DPYD: variants seen among roughly 807,000 people sequenced by gnomAD.
The protein encoded by DPYD is dihydropyrimidine dehydrogenase, also known as dihydropyrimidine dehydrogenase [NADP(+)].
In DPYD, 109 loss-of-function variants were observed where a neutral mutation model predicts 116.2. That is an observed-to-expected ratio of 0.94 (90% CI 0.80 to 1.10). The LOEUF (loss-of-function observed/expected upper bound fraction) is 1.10, where lower values mean the gene tolerates loss of function less well. Among genes scored for constraint, DPYD ranks in the 50% least tolerant of loss-of-function variants. DPYD has a pLI of 0.00. For missense variants in DPYD, 1,302 were observed against 1,254.5 expected (o/e 1.04, Z -0.57); for synonymous variants, 440 against 432.0 (o/e 1.02, Z -0.23).
chr1:97,304,578 C>T (rs1169478000), intron 18 of DPYD, among the ~76,000 whole-genome samples: 3 of 151,932 alleles, frequency 2.0e-5, no homozygotes, highest in Admixed American at 1.3e-4. Flanking sequence ...TGTATATTTA[C>T]CACTTTCTCT....
intron 10 of DPYD, among the ~76,000 whole-genome samples, chr1:97,590,095 T>C (rs1654399405): frequency 1.3e-5 from 2 of 152,210 alleles, no homozygotes; most frequent in Non-Finnish European, 2.9e-5. Flanking sequence ...GTGTTAGCAC[T>C]GCAATATTTT....
At chr1:97,326,185 A>G (rs995526949) in intron 16 of DPYD, among the ~76,000 whole-genome samples, 3 of 151,946 alleles carry the variant, frequency 2.0e-5, no homozygotes, top group African/African-American at 7.2e-5. Context: ...TGGGGAATGA[A>G]AATTTAAAAT....
chr1:97,683,137 G>A (rs1014495098), intron 7 of DPYD, among the ~76,000 whole-genome samples: 2 of 151,908 alleles, frequency 1.3e-5, no homozygotes, highest in Non-Finnish European at 2.9e-5. Context: ...CTTCACAGTT[G>A]TCTAATAGAA....
chr1:97,290,555 T>C (rs1158034504), intron 18 of DPYD, among the ~76,000 whole-genome samples: 1 of 152,138 alleles, frequency 6.6e-6, no homozygotes, highest in Non-Finnish European at 1.5e-5. Flanking sequence ...ATCTGATCTT[T>C]GAGAAACCTG....
At chr1:97,480,546 T>C (rs1678239488) in intron 13 of DPYD, among the ~76,000 whole-genome samples, 1 of 152,228 alleles carries the variant, frequency 6.6e-6, no homozygotes, top group Non-Finnish European at 1.5e-5. Flanking sequence ...ATTGCAAGTA[T>C]AGCTTAACAA....
chr1:97,331,419 A>G (rs1187880253), intron 16 of DPYD, among the ~76,000 whole-genome samples: 1 of 152,166 alleles, frequency 6.6e-6, no homozygotes, highest in African/African-American at 2.4e-5. Context: ...GTTCGAGGTT[A>G]CAGTAAGCTA....
chr1:97,790,068 T>C (rs748994696), intron 3 of DPYD, among the ~76,000 whole-genome samples: 5 of 152,180 alleles, frequency 3.3e-5, no homozygotes, highest in Non-Finnish European at 7.3e-5. Flanking sequence ...ACAAGTCTAA[T>C]GAGGAGCCAC....
intron 3 of DPYD, among the ~76,000 whole-genome samples, chr1:97,752,798 A>T (rs1665005270): frequency 6.6e-6 from 1 of 152,118 alleles, no homozygotes; most frequent in South Asian, 2.1e-4. Context: ...CAATTATCAC[A>T]TTGGACAGTA....
At chr1:97,574,272 C>T (rs1202926222) in intron 10 of DPYD, among the ~76,000 whole-genome samples, 1 of 151,904 alleles carries the variant, frequency 6.6e-6, no homozygotes, top group Non-Finnish European at 1.5e-5. Context: ...ACCATAGTAG[C>T]CTATTATTTT....
At chr1:97,323,346 ATGTGT>A (rs1558029686) in intron 16 of DPYD, among the ~76,000 whole-genome samples, 98 of 5,816 alleles carry the variant, frequency 0.017, 5 homozygotes, top group South Asian at 0.081. Context: ...GTATATATAC[ATGTGT>A]ATATGTACAC....
At chr1:97,807,829 T>C (rs1668144674) in intron 3 of DPYD, among the ~76,000 whole-genome samples, 1 of 152,108 alleles carries the variant, frequency 6.6e-6, no homozygotes, top group Admixed American at 6.5e-5. Context: ...GTTAGATCTG[T>C]GTCCAGTGTG....
intron 12 of DPYD, among the ~76,000 whole-genome samples, chr1:97,530,757 G>A (rs987471456): frequency 6.6e-6 from 1 of 152,056 alleles, no homozygotes; most frequent in African/African-American, 2.4e-5. Context: ...TTGTATAAGG[G>A]TTTCAATTTC....
At chr1:97,455,966 C>A (rs1344509383) in intron 13 of DPYD, among the ~76,000 whole-genome samples, 2 of 151,614 alleles carry the variant, frequency 1.3e-5, no homozygotes, top group Non-Finnish European at 3.0e-5. Context: ...ACACAATAAG[C>A]AAAAATAGCA....
intron 8 of DPYD, among the ~76,000 whole-genome samples, chr1:97,660,055 C>T (rs74354080): frequency 0.011 from 1,744 of 152,170 alleles, 28 homozygotes; most frequent in African/African-American, 0.04. Context: ...AAAGTAGCTG[C>T]TAAGGACTAA....
At chr1:97,409,350 T>C (rs76842268) in intron 14 of DPYD, among the ~76,000 whole-genome samples, 2,060 of 152,266 alleles carry the variant, frequency 0.014, 49 homozygotes, top group African/African-American at 0.048. Flanking sequence ...AGAGTGGTAC[T>C]GTGTCTTAGG....
At chr1:97,724,356 G>T (rs1282764425) in intron 4 of DPYD, among the ~76,000 whole-genome samples, 2 of 114,528 alleles carry the variant, frequency 1.7e-5, no homozygotes, top group Admixed American at 9.4e-5. Context: ...GTGTGTGTGT[G>T]TGTGTGTGTA....
intron 12 of DPYD, among the ~76,000 whole-genome samples, chr1:97,543,348 G>C (rs1041250671): frequency 3.9e-4 from 60 of 152,176 alleles, no homozygotes; most frequent in African/African-American, 1.4e-3. Flanking sequence ...CTTAATAAGT[G>C]GTAATTGAGC....
At chr1:97,417,127 T>G (rs1232523929) in intron 14 of DPYD, among the ~76,000 whole-genome samples, 1 of 152,164 alleles carries the variant, frequency 6.6e-6, no homozygotes, top group Non-Finnish European at 1.5e-5. Context: ...TAAAAGAGCA[T>G]GGGCTTTCAC....
chr1:97,227,646 G>A (rs1661280030), intron 19 of DPYD, among the ~76,000 whole-genome samples: 2 of 144,006 alleles, frequency 1.4e-5, no homozygotes, highest in Admixed American at 6.7e-5. Flanking sequence ...ATGCAATTTG[G>A]TTTTCTCAGC....
Sources: gnomAD v4.1 joint callset for allele counts (sites outside exome capture counted in the v4.1 genomes callset) on GRCh38, gnomAD v4.1.1 for gene constraint, MANE v1.5 for transcripts, NCBI Gene and HGNC (gene_info 2026-07-23, HGNC 2026-07-21) for gene names.